CDC123: variants seen among roughly 807,000 people sequenced by gnomAD.
CDC123 encodes the protein cell division cycle 123, also known as translation initiation factor eIF2 assembly protein.
A neutral mutation model predicts 54.4 loss-of-function variants in CDC123; 37 were observed. The ratio of observed to expected loss-of-function variants is 0.68; its 90% CI spans 0.52 to 0.89. The LOEUF (loss-of-function observed/expected upper bound fraction) is 0.89, where lower values mean the gene tolerates loss of function less well. Ranked by LOEUF, CDC123 falls within the 40% of genes least tolerant of loss-of-function variation. CDC123 has a pLI of 0.00. For synonymous variants in CDC123, 144 were observed against 136.8 expected (o/e 1.05, Z -0.37); for missense variants, 361 against 412.1 (o/e 0.88, Z 1.07).
chr10:12,218,603 A>G (rs1184377596), intron 6 of CDC123, among the ~76,000 whole-genome samples: 2 of 152,088 alleles, frequency 1.3e-5, no homozygotes, highest in Admixed American at 6.6e-5. Flanking sequence ...GCGTGTCTAA[A>G]TTCATTATTT....
chr10:12,243,415 G>T (rs148588477), intron 10 of CDC123, among the ~76,000 whole-genome samples: 1 of 151,712 alleles, frequency 6.6e-6, no homozygotes, highest in African/African-American at 2.4e-5. Context: ...AATGTGGTTT[G>T]GTTTTTTGCA....
At chr10:12,217,751 A>C (rs1554806783) in intron 6 of CDC123, among the ~76,000 whole-genome samples, 1 of 152,216 alleles carries the variant, frequency 6.6e-6, no homozygotes, top group Non-Finnish European at 1.5e-5. Context: ...TATCATAGAA[A>C]AGCAAAATTA....
intron 9 of CDC123, among the ~76,000 whole-genome samples, chr10:12,237,838 G>T (rs932098905): frequency 6.6e-6 from 1 of 152,156 alleles, no homozygotes; most frequent in East Asian, 1.9e-4. Flanking sequence ...TATCTACAGA[G>T]AACAAAGTCT....
intron 6 of CDC123, among the ~76,000 whole-genome samples, chr10:12,224,217 A>G (rs967625142): frequency 2.0e-5 from 3 of 150,634 alleles, no homozygotes; most frequent in South Asian, 4.2e-4. Flanking sequence ...AAAAAAAAAG[A>G]CATCTGATTA....
At position 12,250,362 on chromosome 10, in the gene CDC123, G is replaced by A; in HGVS notation, c.*25G>A. The A allele has an allele frequency of 6.3e-7, 1 of 1,586,504 alleles. No individual in the cohort carries two copies. The highest frequency in any genetic ancestry group is 8.7e-7 in the Non-Finnish European group (1 of 1,155,516). On this transcript the variant is annotated 3_prime_UTR_variant, in exon 13 of 13. Coordinates refer to ENST00000281141, the MANE Select transcript of CDC123 (RefSeq NM_006023.3). ...ATGAGCGTACTGGAACTGGAGAAGA[G>A]GAGGCCCCGCCCCACCGCTCCGGGA...
chr10:12,233,257 CCTGT>C (rs1383361294), intron 7 of CDC123, among the ~76,000 whole-genome samples: 2 of 147,836 alleles, frequency 1.4e-5, no homozygotes, highest in African/African-American at 2.5e-5. Context: ...ATCATTTTCT[CCTGT>C]CTGTGTGTAT....
chr10:12,220,854 G>A (rs1199541121), intron 6 of CDC123, among the ~76,000 whole-genome samples: 1 of 152,066 alleles, frequency 6.6e-6, no homozygotes, highest in Non-Finnish European at 1.5e-5. Flanking sequence ...GCGGGCGCCT[G>A]CAGTCCTAGC....
At chr10:12,227,242 C>T (rs1037437868) in intron 6 of CDC123, among the ~76,000 whole-genome samples, 3 of 111,438 alleles carry the variant, frequency 2.7e-5, no homozygotes, top group East Asian at 6.1e-4. Context: ...AGAGGGAGAC[C>T]GTGGAGAGAG....
At chr10:12,208,239 G>A (rs1835547298) in intron 2 of CDC123, among the ~76,000 whole-genome samples, 1 of 152,154 alleles carries the variant, frequency 6.6e-6, no homozygotes, top group Admixed American at 6.5e-5. Context: ...AATGATATGA[G>A]TTATTCCTAG....
At chr10:12,201,358 G>A (rs1383438005) in intron 2 of CDC123, among the ~76,000 whole-genome samples, 1 of 152,184 alleles carries the variant, frequency 6.6e-6, no homozygotes, top group Non-Finnish European at 1.5e-5. Flanking sequence ...TGCAGAAAGT[G>A]GGGTGGTCAT....
At chr10:12,232,660 T>C (rs1835917372) in intron 7 of CDC123, among the ~76,000 whole-genome samples, 1 of 152,188 alleles carries the variant, frequency 6.6e-6, no homozygotes, top group South Asian at 2.1e-4. Flanking sequence ...TCCCAGCTTA[T>C]TAAACACTCC....
intron 6 of CDC123, among the ~76,000 whole-genome samples, chr10:12,228,550 T>C (rs1055996351): frequency 2.6e-5 from 4 of 150,952 alleles, no homozygotes; most frequent in African/African-American, 9.8e-5. Flanking sequence ...GGACTACAGG[T>C]GTACACCACC....
intron 6 of CDC123, among the ~76,000 whole-genome samples, chr10:12,229,636 G>A (rs1835872060): frequency 6.6e-6 from 1 of 152,130 alleles, no homozygotes; most frequent in Admixed American, 6.6e-5. Flanking sequence ...TTTTAAAATT[G>A]TGTCTATTTT....
intron 6 of CDC123, among the ~76,000 whole-genome samples, chr10:12,218,247 C>CTTTTTTTT (rs34125393): frequency 2.5e-5 from 3 of 119,214 alleles, no homozygotes; most frequent in Non-Finnish European, 3.4e-5. Flanking sequence ...CTTTTTTTTT[C>CTTTTTTTT]TTTTTTTTTT....
chr10:12,217,183 A>G (rs1158603116), intron 5 of CDC123, among the ~76,000 whole-genome samples, 178 bp from the exon 6 acceptor site: 1 of 152,236 alleles, frequency 6.6e-6, no homozygotes, highest in Non-Finnish European at 1.5e-5. Context: ...TCTGAAATGC[A>G]GTGGTGACGC....
chr10:12,220,754 G>A (rs776722769), intron 6 of CDC123, among the ~76,000 whole-genome samples: 1 of 152,192 alleles, frequency 6.6e-6, no homozygotes, highest in African/African-American at 2.4e-5. Flanking sequence ...GAGGTGGGCG[G>A]ATCATGAGGT....
intron 6 of CDC123, among the ~76,000 whole-genome samples, chr10:12,228,109 AT>A (rs1024109349): frequency 2.0e-5 from 3 of 150,264 alleles, no homozygotes; most frequent in African/African-American, 7.3e-5. Context: ...TAATTTTTAT[AT>A]TTTTTTTAGA....
intron 2 of CDC123, among the ~76,000 whole-genome samples, chr10:12,200,560 T>C (rs984500905): frequency 3.3e-5 from 5 of 152,228 alleles, no homozygotes; most frequent in African/African-American, 9.6e-5. Context: ...AGTGTAAACA[T>C]GTTGAAGAGC....
intron 4 of CDC123, among the ~76,000 whole-genome samples, chr10:12,211,088 A>C (rs1209020120): frequency 6.6e-6 from 1 of 152,176 alleles, no homozygotes; most frequent in African/African-American, 2.4e-5. Context: ...TTTTACATAA[A>C]AATGTAGAAG....
Sources: allele counts gnomAD v4.1 joint callset (sites outside exome capture counted in the v4.1 genomes callset), GRCh38; gene constraint gnomAD v4.1.1; transcripts MANE v1.5; gene names NCBI Gene and HGNC (gene_info 2026-07-23, HGNC 2026-07-21).